Variants in TNFSF10 observed in about 807,000 individuals in gnomAD.
TNFSF10 encodes the protein TNF superfamily member 10, also known as tumor necrosis factor ligand superfamily member 10.
A neutral mutation model predicts 29.5 loss-of-function variants in TNFSF10; 13 were observed. The observed-to-expected ratio is 0.44, with a 90% CI of 0.29 to 0.70. TNFSF10 has a LOEUF of 0.70. Among genes scored for constraint, TNFSF10 ranks in the 30% least tolerant of loss-of-function variants. The pLI, the probability that TNFSF10 is intolerant of heterozygous loss-of-function variation, is 0.13. For missense variants in TNFSF10, 345 were observed against 330.9 expected, an observed-to-expected ratio of 1.04 and a Z score of -0.33; for synonymous variants, 111 against 112.8, an observed-to-expected ratio of 0.98 and a Z score of 0.10.
At chr3:172,519,691 A>G (rs1334658034) in intron 1 of TNFSF10, among the ~76,000 whole-genome samples, 1 of 152,270 alleles carries the variant, frequency 6.6e-6, no homozygotes, top group Non-Finnish European at 1.5e-5. Context: ...TGCAAATAAA[A>G]CAAGAGTCTG....
At chr3:172,519,219 G>T (rs756631310) in intron 1 of TNFSF10, among the ~76,000 whole-genome samples, 6 of 152,190 alleles carry the variant, frequency 3.9e-5, no homozygotes, top group Non-Finnish European at 7.3e-5. Context: ...TCTTCTGCAT[G>T]CCTAATGTAC....
chr3:172,516,609 G>C (rs231987), intron 1 of TNFSF10, among the ~76,000 whole-genome samples: 130,032 of 152,132 alleles, frequency 0.85, 55,756 homozygotes, highest in East Asian at 1. Flanking sequence ...TGTTTATTTT[G>C]TTTCTTCCTC....
chr3:172,508,105 G>A (rs1713063928), intron 4 of TNFSF10, among the ~76,000 whole-genome samples: 1 of 152,014 alleles, frequency 6.6e-6, no homozygotes, highest in South Asian at 2.1e-4. Context: ...CACTTTGGGA[G>A]GCCGGGGGGG....
At chr3:172,515,161 T>TAA (rs766198713) in intron 1 of TNFSF10, among the ~76,000 whole-genome samples, 163 bp from the exon 2 acceptor site, 196 of 140,390 alleles carry the variant, frequency 1.4e-3, no homozygotes, top group African/African-American at 4.7e-3. Flanking sequence ...CCTTTGTCCT[T>TAA]AAAAAAAAAA....
chr3:172,512,919 T>A (rs369452072), intron 2 of TNFSF10, among the ~76,000 whole-genome samples: 23 of 152,352 alleles, frequency 1.5e-4, no homozygotes, highest in Middle Eastern at 3.4e-3. Context: ...AATCTATTTT[T>A]AAAATATATT....
At chr3:172,510,176 C>T (rs557258308) in intron 3 of TNFSF10, among the ~76,000 whole-genome samples, 6 of 152,146 alleles carry the variant, frequency 3.9e-5, no homozygotes, top group Non-Finnish European at 7.4e-5. Context: ...AAGGGACTTA[C>T]AGCCTTCTAC....
At chr3:172,508,921 A>G (rs374421027) in intron 4 of TNFSF10, among the ~76,000 whole-genome samples, 3 of 148,932 alleles carry the variant, frequency 2.0e-5, no homozygotes, top group African/African-American at 5.0e-5. Context: ...AAGAAAAAGA[A>G]AGAAAGAAAG....
chr3:172,511,590 TTAAAA>T (rs769100001), intron 3 of TNFSF10, 22 bp downstream of exon 3: 32 of 1,588,378 alleles, frequency 2.0e-5, no homozygotes, highest in Non-Finnish European at 2.7e-5. Context: ...CAGTAAAAAA[TTAAAA>T]TAACAACAAA....
chr3:172,515,588 C>G (rs2108447998), intron 1 of TNFSF10, among the ~76,000 whole-genome samples: 1 of 152,296 alleles, frequency 6.6e-6, no homozygotes, highest in South Asian at 2.1e-4. Flanking sequence ...CACTAGAAAT[C>G]TGAATGCTGT....
intron 3 of TNFSF10, 88 bp downstream of exon 3, chr3:172,511,529 G>A: frequency 9.0e-7 from 1 of 1,109,062 alleles, no homozygotes; most frequent in Non-Finnish European, 1.3e-6. Context: ...GAGTGGATGA[G>A]AACACAGAGA....
chr3:172,506,561 A>C lies in TNFSF10; in HGVS notation c.777T>G (p.Ser259=). The change falls in exon 5 of 5, where the codon TCT becomes TCG. Residue 259 remains serine, a synonymous_variant. Transcript: ENST00000241261. ...TGTCTATCAAGTGCTCATTTGTTACAGAAACAAAAATTCTGTCATTTTCCT... is the reference window on the plus strand; with the variant it reads ...TGTCTATCAAGTGCTCATTTGTTACCGAAACAAAAATTCTGTCATTTTCCT... ...ELKENDRIFV[S]VTNEHLIDMD... is the part of the protein sequence containing the mutation. 6.2e-7 allele frequency: 1 copy of C among 1,614,150 alleles called. No individual in the cohort carries two copies. The highest frequency in any genetic ancestry group is 8.5e-7 in the Non-Finnish European group (1 of 1,180,004).
At chr3:172,522,112 G>T (rs1223900256) in intron 1 of TNFSF10, 2 of 247,676 alleles carry the variant, frequency 8.1e-6, no homozygotes, top group Non-Finnish European at 1.6e-5. Flanking sequence ...CAACCTAGAT[G>T]ATGGGTTGAT....
In TNFSF10 at chr3:172,506,757, T is replaced by A; in HGVS notation, c.581A>T (p.Glu194Val). The A allele has an allele frequency of 1.2e-6, 2 of 1,614,206 alleles. No individual in the cohort carries two copies. Among genetic ancestry groups the A allele is most frequent in the Non-Finnish European group, 1.7e-6 (2 of 1,180,044 alleles). ...IYSQTYFRFQ[E>V]EIKENTKNDK... ...GTTCTTTGTGTTTTCTTTTATTTCCTCCTGAAATCGAAAGTATGTTTGGGA... is the reference window on the plus strand; with the variant it reads ...GTTCTTTGTGTTTTCTTTTATTTCCACCTGAAATCGAAAGTATGTTTGGGA... The change falls in exon 5 of 5, where the codon GAG becomes GTG. Residue 194 changes from glutamate (E) to valine (V), a missense_variant. Coordinates refer to ENST00000241261, the MANE Select transcript of TNFSF10 (RefSeq NM_003810.4).
intron 3 of TNFSF10, among the ~76,000 whole-genome samples, chr3:172,509,622 C>T (rs1713134710): frequency 6.6e-6 from 1 of 152,132 alleles, no homozygotes. Flanking sequence ...GATTCTATCC[C>T]TTTTCCAAAA....
At position 172,506,654 on chromosome 3, in the gene TNFSF10, A is replaced by G. The variant is rs1712996008; in HGVS notation, c.684T>C (p.Asn228=). The G allele has an allele frequency of 6.2e-7, 1 of 1,614,108 alleles. No homozygotes were observed. Among genetic ancestry groups the G allele is most frequent in the South Asian group, 1.1e-5 (1 of 91,086 alleles). The change falls in exon 5 of 5, where the codon AAT becomes AAC. Residue 228 remains asparagine, a synonymous_variant. Coordinates refer to ENST00000241261, the MANE Select transcript of TNFSF10 (RefSeq NM_003810.4). ...DPILLMKSAR[N]SCWSKDAEYG... Reference sequence around the variant, plus strand: ...ATTCTGCATCTTTAGACCAACAACTATTTCTAGCACTTTTCATCAACAATA... The same window carrying G: ...ATTCTGCATCTTTAGACCAACAACTGTTTCTAGCACTTTTCATCAACAATA...
chr3:172,522,106 C>A (rs551312277), intron 1 of TNFSF10: 3 of 246,156 alleles, frequency 1.2e-5, no homozygotes, highest in Non-Finnish European at 1.6e-5. Flanking sequence ...GGCTTACAAC[C>A]TAGATGATGG....
chr3:172,511,728 GCT>G, intron 2 of TNFSF10, 69 bp from the exon 3 acceptor site: 1 of 1,347,756 alleles, frequency 7.4e-7, no homozygotes, highest in Non-Finnish European at 1.0e-6. Context: ...AATGCCTATG[GCT>G]CATCTTGCTG....
At chr3:172,511,393 T>C in intron 3 of TNFSF10, 2 of 397,922 alleles carry the variant, frequency 5.0e-6, no homozygotes, top group Non-Finnish European at 9.1e-6. Context: ...TAAAATTAAG[T>C]TGAAATAAAG....
At chr3:172,517,556 A>G in intron 1 of TNFSF10, 1 of 985,168 alleles carries the variant, frequency 1.0e-6, no homozygotes, top group Non-Finnish European at 1.2e-6. Flanking sequence ...AATCACAAAA[A>G]CAAAACAAAA....
Sources: gnomAD v4.1 joint callset for allele counts (sites outside exome capture counted in the v4.1 genomes callset) on GRCh38, gnomAD v4.1.1 for gene constraint, MANE v1.5 for transcripts, NCBI Gene and HGNC (gene_info 2026-07-23, HGNC 2026-07-21) for gene names.